The following ADH4 variants were observed in gnomAD, a reference collection of about 807,000 sequenced individuals.
The protein encoded by ADH4 is all-trans-retinol dehydrogenase [NAD(+)] ADH4.
A neutral mutation model predicts 35.2 loss-of-function variants in ADH4; 31 were observed. That is an observed-to-expected ratio of 0.88 (90% CI 0.66 to 1.19). ADH4 has a LOEUF of 1.19. Among genes scored for constraint, ADH4 ranks in the 50% most tolerant of loss-of-function variants. ADH4 has a pLI of 0.00. For synonymous variants in ADH4, 171 were observed against 160.2 expected, an observed-to-expected ratio of 1.07 and a Z score of -0.51; for missense variants, 476 against 458.3, an observed-to-expected ratio of 1.04 and a Z score of -0.35.
chr4:99,127,404 G>A, intron 6 of ADH4, 60 bp from the exon 7 acceptor site: 1 of 1,417,770 alleles, frequency 7.1e-7, no homozygotes, highest in Non-Finnish European at 9.7e-7. Flanking sequence ...GAACTCCAGT[G>A]TGGCAATGTA....
At chr4:99,134,378 G>GTA (rs1185780394) in intron 5 of ADH4, among the ~76,000 whole-genome samples, 2 of 141,014 alleles carry the variant, frequency 1.4e-5, no homozygotes, top group Admixed American at 1.4e-4. Context: ...TTATTCTACA[G>GTA]TGTATATATA....
chr4:99,136,487 C>T lies in ADH4; in HGVS notation c.561G>A (p.Gly187=). ...TTACCTTGGCATTGTTGATTGCAGC[C>T]CCATAGCCAGTTGAAAACCCACATC... The part of the protein sequence containing the change: ...LLGCGFSTGY[G]AAINNAKVTP... Residue 187 remains glycine, a synonymous_variant, in exon 5 of 9, where the codon GGG becomes GGA. Coordinates refer to ENST00000265512, the MANE Select transcript of ADH4 (RefSeq NM_000670.5). The T allele has an allele frequency of 6.2e-7, 1 of 1,613,978 alleles. No homozygotes were observed. Among genetic ancestry groups the T allele is most frequent in the Non-Finnish European group, 8.5e-7 (1 of 1,179,964 alleles).
rs1387901391 is a variant in ADH4, at chr4:99,124,264, AT to A, written c.*177del. On this transcript the variant is annotated 3_prime_UTR_variant, in exon 9 of 9. Transcript: ENST00000265512. ...TTATTATTATTATTTAACATAGGGA[AT>A]ATTCATATATATAACAGGTACAAAG... The A allele has an allele frequency of 1.1e-5, 6 of 525,936 alleles. No homozygotes were observed. In the African/African-American group the frequency reaches 1.2e-4, roughly 11 times the overall value. 32.6% of individuals were successfully genotyped at this position (525,936 alleles called of 1,614,324 possible).
In ADH4 at chr4:99,124,226, TCATAAA is replaced by T. The variant is rs1438475969; in HGVS notation, c.*210_*215del. On this transcript the variant is annotated 3_prime_UTR_variant, in exon 9 of 9. Transcript: ENST00000265512. ...ATTTCTAAAGATGATATGATTCTAT[TCATAAA>T]CACTAGTTATTATTATTATTTAACA... 2.3e-6 allele frequency: 1 copy of T among 442,938 alleles called. No homozygotes were observed. The highest frequency in any genetic ancestry group is 4.0e-6 in the Non-Finnish European group (1 of 251,516). 27.4% of individuals were successfully genotyped at this position (442,938 alleles called of 1,614,324 possible).
At chr4:99,140,941 G>A (rs1048884003) in intron 3 of ADH4, among the ~76,000 whole-genome samples, 9 of 151,624 alleles carry the variant, frequency 5.9e-5, no homozygotes, top group African/African-American at 2.2e-4. Flanking sequence ...TGCTATATAA[G>A]TAAACTTGTG....
rs774035712 is a variant in ADH4 at position 99,124,424 on chromosome 4, G to A, written c.*18C>T. 22 of 1,481,976 alleles carry A rather than the reference G, an allele frequency of 1.5e-5. No homozygotes were observed. Among genetic ancestry groups the A allele is most frequent in the African/African-American group, 1.3e-4 (9 of 71,086 alleles). 91.8% of individuals were successfully genotyped at this position (1,481,976 alleles called of 1,614,324 possible). A position where few individuals can be genotyped will look rare whatever the true frequency, so the allele number is the denominator to read the frequency against. The stretch of plus-strand genomic sequence containing the variant: ...TTCACATTCAATCAGATAGTATTCT[G>A]AATTGCTCCTGGCATCTTCAAAAGA... On this transcript the variant is annotated 3_prime_UTR_variant, in exon 9 of 9. Coordinates refer to ENST00000265512, the MANE Select transcript of ADH4 (RefSeq NM_000670.5).
intron 2 of ADH4, 80 bp from the exon 3 acceptor site, chr4:99,141,762 A>G: frequency 1.5e-6 from 2 of 1,367,936 alleles, no homozygotes; most frequent in Non-Finnish European, 9.9e-7. Context: ...ATTAGGCTTG[A>G]TATCATTTTA....
chr4:99,140,798 C>T (rs1293646075), intron 3 of ADH4, among the ~76,000 whole-genome samples: 8 of 145,762 alleles, frequency 5.5e-5, no homozygotes, highest in South Asian at 2.2e-4. Flanking sequence ...ACCCAGGAGG[C>T]GGAGGTTGCA....
chr4:99,140,589 TG>T (rs1208225988), intron 3 of ADH4, among the ~76,000 whole-genome samples: 1 of 148,498 alleles, frequency 6.7e-6, no homozygotes, highest in African/African-American at 2.5e-5. Flanking sequence ...AAAAAAAGTC[TG>T]GGCAAGGTGG....
intron 2 of ADH4, among the ~76,000 whole-genome samples, chr4:99,142,003 T>C (rs1729640118): frequency 6.6e-6 from 1 of 152,230 alleles, no homozygotes; most frequent in African/African-American, 2.4e-5. Flanking sequence ...ATACACCTTT[T>C]ACAGTTGAGA....
At chr4:99,131,265 T>C (rs1729261975) in intron 6 of ADH4, among the ~76,000 whole-genome samples, 1 of 152,132 alleles carries the variant, frequency 6.6e-6, no homozygotes, top group African/African-American at 2.4e-5. Flanking sequence ...TGGCTTCTTA[T>C]CACAAGAGAA....
intron 7 of ADH4, 56 bp downstream of exon 7, chr4:99,127,153 G>C: frequency 7.6e-6 from 11 of 1,439,178 alleles, no homozygotes; most frequent in Non-Finnish European, 9.5e-6. Context: ...TTCACTCTAA[G>C]AATTTCAGAA....
chr4:99,129,022 A>C (rs1729187482), intron 6 of ADH4, among the ~76,000 whole-genome samples: 1 of 151,754 alleles, frequency 6.6e-6, no homozygotes, highest in Non-Finnish European at 1.5e-5. Context: ...CTGCTCTCGA[A>C]CTCCTGGGCT....
Position 99,136,631 on chromosome 4 carries a change from T to C in ADH4, c.417A>G (p.Lys139=). 1 of 1,614,138 alleles carries C rather than the reference T, an allele frequency of 6.2e-7. No individual in the cohort carries two copies. The highest frequency in any genetic ancestry group is 1.1e-5 in the South Asian group (1 of 91,078). ...MEDKTSRFTC[K]GKPVYHFFGT... is the part of the protein sequence containing the mutation. Reference sequence around the variant, plus strand: ...CAAAGAAATGGTAAACTGGTTTTCCTTTGCAGGTAAACCTGCTGGTTTTGT... The same window carrying C: ...CAAAGAAATGGTAAACTGGTTTTCCCTTGCAGGTAAACCTGCTGGTTTTGT... The change falls in exon 5 of 9, where the codon AAA becomes AAG. Residue 139 remains lysine (K), a synonymous_variant. Transcript: ENST00000265512.
intron 4 of ADH4, among the ~76,000 whole-genome samples, chr4:99,136,921 A>C (rs2110500473): frequency 6.6e-6 from 1 of 152,036 alleles, no homozygotes; most frequent in Non-Finnish European, 1.5e-5. Flanking sequence ...ACAGGGTGTC[A>C]TTTCGTCACT....
chr4:99,141,948 G>GA (rs1729638186), intron 2 of ADH4, among the ~76,000 whole-genome samples: 1 of 152,090 alleles, frequency 6.6e-6, no homozygotes, highest in Non-Finnish European at 1.5e-5. Context: ...TCCAGGAGAG[G>GA]AAAAAATCAA....
intron 1 of ADH4, chr4:99,143,067 T>C (rs1412770887): frequency 2.9e-6 from 2 of 693,686 alleles, no homozygotes; most frequent in South Asian, 1.5e-5. Flanking sequence ...CTCAAGTTTT[T>C]CCCTCTATAA....
At position 99,124,237 on chromosome 4, in the gene ADH4, A is replaced by G; in HGVS notation, c.*205T>C. The G allele has an allele frequency of 2.1e-6, 1 of 468,928 alleles. No homozygotes were observed. The highest frequency in any genetic ancestry group is 3.8e-6 in the Non-Finnish European group (1 of 266,202). 29.0% of individuals were successfully genotyped at this position (468,928 alleles called of 1,614,324 possible). On this transcript the variant is annotated 3_prime_UTR_variant, in exon 9 of 9. Transcript: ENST00000265512. ...TGATATGATTCTATTCATAAACACT[A>G]GTTATTATTATTATTTAACATAGGG...
chr4:99,136,610 G>T lies in ADH4; in HGVS notation c.438C>A (p.Phe146Leu). Residue 146 changes from phenylalanine (F) to leucine (L), a missense_variant, in exon 5 of 9, where the codon TTC becomes TTA. Phe to Leu is a conservative substitution (Grantham distance 22). Coordinates refer to ENST00000265512, the MANE Select transcript of ADH4 (RefSeq NM_000670.5). ...FTCKGKPVYHFFGTSTFSQYT... is the reference protein window; with the variant it reads ...FTCKGKPVYHLFGTSTFSQYT... ...ACTGAGAGAATGTACTGGTTCCAAA[G>T]AAATGGTAAACTGGTTTTCCTTTGC... 6.2e-7 allele frequency: 1 copy of T among 1,614,112 alleles called. No individual in the cohort carries two copies. The highest frequency in any genetic ancestry group is 1.1e-5 in the South Asian group (1 of 91,084).
Sources: allele counts gnomAD v4.1 joint callset (sites outside exome capture counted in the v4.1 genomes callset), GRCh38; gene constraint gnomAD v4.1.1; transcripts MANE v1.5; gene names NCBI Gene and HGNC (gene_info 2026-07-23, HGNC 2026-07-21).